TPD52L3: variants seen among roughly 807,000 people sequenced by gnomAD.
TPD52L3 encodes the protein tumor protein D55.
In TPD52L3, 12 loss-of-function variants were observed where a neutral mutation model predicts 8.7. The ratio of observed to expected loss-of-function variants is 1.38; its 90% CI spans 0.89 to 2.24. TPD52L3 has a LOEUF of 2.24. Among genes scored for constraint, TPD52L3 ranks in the 30% most tolerant of loss-of-function variants. The pLI, the probability that TPD52L3 is intolerant of heterozygous loss-of-function variation, is 0.00. For missense variants in TPD52L3, 207 were observed against 158.7 expected (o/e 1.30, Z -1.64); for synonymous variants, 79 against 66.8 (o/e 1.18, Z -0.89).
chr9:6,328,977 A>G lies in TPD52L3; in HGVS notation c.367+15A>G. 1 of 1,614,182 alleles carries G rather than the reference A, an allele frequency of 6.2e-7. No homozygotes were observed. Among genetic ancestry groups the G allele is most frequent in the South Asian group, 1.1e-5 (1 of 91,084 alleles). On this transcript the variant is annotated intron_variant, in intron 1 of 1. Coordinates refer to ENST00000314556, the MANE Select transcript of TPD52L3 (RefSeq NM_001001874.3). Reference sequence around the variant, plus strand: ...ATCTTTTGAAGGTCTGATGGGGACAATCAAGTCCAAAGTCTCAGGGGGCAA... The same window carrying G: ...ATCTTTTGAAGGTCTGATGGGGACAGTCAAGTCCAAAGTCTCAGGGGGCAA...
In TPD52L3 at chr9:6,328,884, G is replaced by T; in HGVS notation, c.289G>T (p.Ala97Ser). Residue 97 changes from alanine (A) to serine (S), a missense_variant, in exon 1 of 2, where the codon GCT becomes TCT. Ala to Ser is a moderately conservative substitution (Grantham distance 99). Coordinates refer to ENST00000314556, the MANE Select transcript of TPD52L3 (RefSeq NM_001001874.3). ...CTATGTGAAACAGAAGACATCAGCT[G>T]CTCTGTCCACCATGGGCACTCTCAT... ...NTYVKQKTSA[A>S]LSTMGTLICR... 1 of 1,614,190 alleles carries T rather than the reference G, an allele frequency of 6.2e-7. No individual in the cohort carries two copies. The highest frequency in any genetic ancestry group is 8.5e-7 in the Non-Finnish European group (1 of 1,180,032).
chr9:6,330,551 A>C (rs577123745), intron 1 of TPD52L3: 2 of 1,191,242 alleles, frequency 1.7e-6, no homozygotes, highest in South Asian at 7.2e-5. Context: ...AAAACCAAAT[A>C]CCACTATAAA....
chr9:6,329,606 C>T, intron 1 of TPD52L3: 1 of 1,001,734 alleles, frequency 1.0e-6, no homozygotes, highest in Non-Finnish European at 1.2e-6. Flanking sequence ...CCATTTCCTT[C>T]CTTCCCTCAG....
chr9:6,330,228 C>G (rs975296674), intron 1 of TPD52L3: 3 of 1,613,272 alleles, frequency 1.9e-6, no homozygotes, highest in Non-Finnish European at 2.5e-6. Flanking sequence ...CTGGAGAGCT[C>G]AAGACAGTAG....
chr9:6,330,854 T>C, intron 1 of TPD52L3, 122 bp from the exon 2 acceptor site: 1 of 1,478,638 alleles, frequency 6.8e-7, no homozygotes, highest in Non-Finnish European at 9.0e-7. Flanking sequence ...CTGAGAGATG[T>C]TATATTTTAT....
At position 6,328,732 on chromosome 9, in the gene TPD52L3, T is replaced by TA; in HGVS notation, c.138dup (p.Arg47ThrfsTer36). The stretch of plus-strand genomic sequence containing the variant: ...AAATTGGAGGCTGAAATTGTAACCC[T>TA]ACGCCACGTACTAGCAGCCAAAGAG... On this transcript the variant is annotated frameshift_variant, in exon 1 of 2. Transcript: ENST00000314556. LOFTEE classifies it high-confidence loss of function. The TA allele has an allele frequency of 6.2e-7, 1 of 1,614,136 alleles. No individual in the cohort carries two copies. Among genetic ancestry groups the TA allele is most frequent in the African/African-American group, 1.3e-5 (1 of 75,032 alleles).
intron 1 of TPD52L3, 149 bp from the exon 2 acceptor site, chr9:6,330,827 A>G (rs1407717167): frequency 7.0e-7 from 1 of 1,430,552 alleles, no homozygotes; most frequent in Non-Finnish European, 9.2e-7. Context: ...ATCTCAGACT[A>G]TTATCATGGG....
intron 1 of TPD52L3, chr9:6,330,537 A>G: frequency 8.3e-7 from 1 of 1,204,386 alleles, no homozygotes; most frequent in Non-Finnish European, 1.0e-6. Context: ...GTTTTCCTAT[A>G]AGCAAAACCA....
intron 1 of TPD52L3, 165 bp downstream of exon 1, chr9:6,329,127 G>A (rs1818091022): frequency 2.0e-6 from 3 of 1,500,312 alleles, no homozygotes; most frequent in Non-Finnish European, 2.7e-6. Context: ...CAGTTCTGGA[G>A]AGTGAGGATG....
intron 1 of TPD52L3, chr9:6,329,417 T>C: frequency 4.7e-6 from 5 of 1,055,390 alleles, no homozygotes; most frequent in Non-Finnish European, 2.3e-6. Flanking sequence ...TATATTAGCT[T>C]TCCTGAGACT....
chr9:6,328,487 AG>A lies in TPD52L3; in HGVS notation c.-108del. 1 of 1,365,192 alleles carries A rather than the reference AG, an allele frequency of 7.3e-7. No individual in the cohort carries two copies. Among genetic ancestry groups the A allele is most frequent in the Non-Finnish European group, 9.9e-7 (1 of 1,005,596 alleles). 84.6% of individuals were successfully genotyped at this position (1,365,192 alleles called of 1,614,324 possible). A position where few individuals can be genotyped will look rare whatever the true frequency, so the allele number is the denominator to read the frequency against. ...GCCAAGAGTCTGAGCCTGCAGGCCT[AG>A]ATTTCGACTCTGCTGGCCAAGATTA... On this transcript the variant is annotated 5_prime_UTR_variant, in exon 1 of 2. An upstream open reading frame in the 5' UTR loses its in-frame stop. Coordinates refer to ENST00000314556, the MANE Select transcript of TPD52L3 (RefSeq NM_001001874.3).
intron 1 of TPD52L3, chr9:6,330,371 T>C: frequency 6.9e-7 from 1 of 1,441,262 alleles, no homozygotes; most frequent in Non-Finnish European, 9.1e-7. Flanking sequence ...ACACACTGCC[T>C]GAGATAGAAG....
Position 6,330,149 on chromosome 9 carries a change from T to C in TPD52L3, c.368-827T>C. ...TTGAATGGACCTAACTATACATCTTTGCTCTTAACTCCAAGTCTGCCCTTC... is the reference window on the plus strand; with the variant it reads ...TTGAATGGACCTAACTATACATCTTCGCTCTTAACTCCAAGTCTGCCCTTC... On this transcript the variant is annotated intron_variant, in intron 1 of 1. Transcript: ENST00000314556. The C allele has an allele frequency of 2.5e-6, 4 of 1,613,798 alleles. No homozygotes were observed. The Middle Eastern group carries it at 6.6e-4, about 266-fold the overall frequency.
chr9:6,330,332 AG>A, intron 1 of TPD52L3: 1 of 1,512,450 alleles, frequency 6.6e-7, no homozygotes, highest in Non-Finnish European at 8.8e-7. Flanking sequence ...CAAAATGCCA[AG>A]ATCTGGGAGC....
In TPD52L3 at chr9:6,328,574, C is replaced by G. The variant is rs772134565; in HGVS notation, c.-22C>G. 19 of 1,607,102 alleles carry G rather than the reference C, an allele frequency of 1.2e-5. No individual in the cohort carries two copies. The highest frequency in any genetic ancestry group is 2.2e-5 in the East Asian group (1 of 44,842). On this transcript the variant is annotated 5_prime_UTR_variant, in exon 1 of 2. Coordinates refer to ENST00000314556, the MANE Select transcript of TPD52L3 (RefSeq NM_001001874.3). ...AAGAATTGGACCTGGACTCTCTTAA[C>G]GAAGATCTTCTTTCCCAGTCCATGC...
intron 1 of TPD52L3, chr9:6,329,577 T>A: frequency 1.0e-6 from 1 of 1,001,884 alleles, no homozygotes; most frequent in Non-Finnish European, 1.2e-6. Flanking sequence ...TTTTGGTTTG[T>A]TTGTTTGTTT....
chr9:6,329,049 T>A (rs760103138), intron 1 of TPD52L3, 87 bp downstream of exon 1: 28 of 1,602,566 alleles, frequency 1.7e-5, no homozygotes, highest in Non-Finnish European at 2.4e-5. Context: ...GTGGGGTTGA[T>A]CTGCTCTCAG....
rs926800154 is a variant in TPD52L3, at chr9:6,330,975, G to C, written c.368-1G>C. 1 of 1,612,040 alleles carries C rather than the reference G, an allele frequency of 6.2e-7. No individual in the cohort carries two copies. The highest frequency in any genetic ancestry group is 1.3e-5 in the African/African-American group (1 of 74,950). On this transcript the variant is annotated splice_acceptor_variant, in intron 1 of 1. Transcript: ENST00000314556. LOFTEE classifies it high-confidence loss of function. ...TCATTGTTTTCCCATTTCTGGCTTA[G>C]GATTGATCTTCAATAAATACACGTT...
At position 6,331,856 on chromosome 9, in the gene TPD52L3, T is replaced by C. The variant is rs527366704; in HGVS notation, c.*837T>C. 2.0e-5 allele frequency: 3 copies of C among 152,320 alleles called. No homozygotes were observed. The highest frequency in any genetic ancestry group is 2.1e-4 in the South Asian group (1 of 4,832). The allele number at this position is 152,320 out of a possible 1,614,324, so 9.4% of individuals were successfully genotyped here. A position where few individuals can be genotyped will look rare whatever the true frequency, so the allele number is the denominator to read the frequency against. On this transcript the variant is annotated 3_prime_UTR_variant, in exon 2 of 2. Coordinates refer to ENST00000314556, the MANE Select transcript of TPD52L3 (RefSeq NM_001001874.3). ...TTTGGCTTTTTTGTATCAGTGGTCA[T>C]GGGCACCAAATAAAATGCTTCCATG...
Sources: gnomAD v4.1 joint callset for allele counts on GRCh38, gnomAD v4.1.1 for gene constraint, MANE v1.5 for transcripts, NCBI Gene and HGNC (gene_info 2026-07-23, HGNC 2026-07-21) for gene names.